MAP1B: variants seen among roughly 807,000 people sequenced by gnomAD.
MAP1B encodes the protein microtubule-associated protein 1B.
Under a neutral mutation model 176.1 loss-of-function variants are expected in MAP1B, and 12 were observed. That is an observed-to-expected ratio of 0.07 (90% CI 0.04 to 0.11). The LOEUF is 0.11. Among genes scored for constraint, MAP1B ranks in the 10% least tolerant of loss-of-function variants. The pLI is 1.00. For synonymous variants in MAP1B, 1,044 were observed against 1,135.0 expected, an observed-to-expected ratio of 0.92 and a Z score of 1.61; for missense variants, 2,523 against 2,990.5, an observed-to-expected ratio of 0.84 and a Z score of 3.65.
rs772743637 is a variant in MAP1B, at chr5:72,194,320, G to A, written c.965G>A (p.Ser322Asn). The A allele has an allele frequency of 6.2e-7, 1 of 1,614,208 alleles. No individual in the cohort carries two copies. ...GATGACAATTTGCCTGGAATAAACA[G>A]CATGTTACAGCGGAAAATTGCAGAG... ...IGDDNLPGINSMLQRKIAELE... is the reference protein window; with the variant it reads ...IGDDNLPGINNMLQRKIAELE... The change falls in exon 5 of 7, where the codon AGC becomes AAC. Residue 322 changes from serine to asparagine, a missense_variant. By Grantham distance (46) the Ser-to-Asn change is conservative. Around this residue, in one of 4 missense-constraint regions of MAP1B, gnomAD observed 307 missense variants for 438.4 expected, o/e 0.70. Transcript: ENST00000296755. The surrounding 1 kb of genome is among the most constrained non-coding windows in gnomAD (Gnocchi z 7.2).
chr5:72,141,518 A>G (rs764893985), intron 2 of MAP1B, among the ~76,000 whole-genome samples: 25 of 152,260 alleles, frequency 1.6e-4, no homozygotes, highest in African/African-American at 4.1e-4. Context: ...CTTAGGGATC[A>G]GTAGCCTCGG....
Position 72,196,807 on chromosome 5 carries a change from A to G in MAP1B, c.3452A>G (p.Glu1151Gly), listed in dbSNP as rs937083812. 1.9e-6 allele frequency: 3 copies of G among 1,614,000 alleles called. No homozygotes were observed. The highest frequency in any genetic ancestry group is 2.7e-5 in the African/African-American group (2 of 74,922). Residue 1151 changes from glutamate (E) to glycine (G), a missense_variant, in exon 5 of 7, where the codon GAG becomes GGG. Coordinates refer to ENST00000296755, the MANE Select transcript of MAP1B (RefSeq NM_005909.5). The surrounding 1 kb of genome is among the most constrained non-coding windows in gnomAD (Gnocchi z 5.3). Reference sequence around the variant, plus strand: ...ATGAGTGATGAGACCAACAATGAAGAGACGGAGTCCCCTTCTCAGGAATTC... The same window carrying G: ...ATGAGTGATGAGACCAACAATGAAGGGACGGAGTCCCCTTCTCAGGAATTC... The part of the protein sequence containing the change: ...DVMSDETNNE[E>G]TESPSQEFVN...
chr5:72,157,847 T>A (rs1746252975), intron 2 of MAP1B, among the ~76,000 whole-genome samples: 1 of 152,128 alleles, frequency 6.6e-6, no homozygotes, highest in Non-Finnish European at 1.5e-5. Context: ...AGTTACTAAA[T>A]GCTAGCCTTT....
At chr5:72,184,610 GGTTGAAGCCAAGA>G (rs1358498283) in intron 3 of MAP1B, among the ~76,000 whole-genome samples, 1 of 152,152 alleles carries the variant, frequency 6.6e-6, no homozygotes, top group Non-Finnish European at 1.5e-5. Context: ...ATAAGAACTT[GGTTGAAGCCAAGA>G]GTCCCTGGTC....
chr5:72,183,155 G>C (rs1035326346), intron 2 of MAP1B, among the ~76,000 whole-genome samples: 20 of 152,174 alleles, frequency 1.3e-4, no homozygotes, highest in African/African-American at 4.8e-4. Context: ...TTTCATGGGA[G>C]GGTTGTTCTC....
intron 2 of MAP1B, among the ~76,000 whole-genome samples, chr5:72,178,193 GC>G (rs1746689572): frequency 6.6e-6 from 1 of 152,076 alleles, no homozygotes; most frequent in African/African-American, 2.4e-5. Flanking sequence ...AGTAGAGACA[GC>G]GTTTCACCAT....
chr5:72,158,448 G>T (rs1746270715), intron 2 of MAP1B, among the ~76,000 whole-genome samples: 1 of 152,146 alleles, frequency 6.6e-6, no homozygotes, highest in African/African-American at 2.4e-5. Flanking sequence ...AGCAGTTGGA[G>T]AAAAGAAAGA....
At chr5:72,166,924 T>C (rs1328297974) in intron 2 of MAP1B, among the ~76,000 whole-genome samples, 10 of 151,952 alleles carry the variant, frequency 6.6e-5, no homozygotes, top group African/African-American at 2.2e-4. Flanking sequence ...GGAAACAAGA[T>C]GAAACACAGC....
rs1420900755 is a variant in MAP1B at position 72,205,903 on chromosome 5, A to G, written c.*664A>G. 1 of 152,546 alleles carries G rather than the reference A, an allele frequency of 6.6e-6. No individual in the cohort carries two copies. The highest frequency in any genetic ancestry group is 1.5e-5 in the Non-Finnish European group (1 of 68,092). 9.4% of individuals were successfully genotyped at this position (152,546 alleles called of 1,614,324 possible). A position where few individuals can be genotyped will look rare whatever the true frequency, so the allele number is the denominator to read the frequency against. On this transcript the variant is annotated 3_prime_UTR_variant, in exon 7 of 7. Coordinates refer to ENST00000296755, the MANE Select transcript of MAP1B (RefSeq NM_005909.5). ...ACAACACTTGTTATGAGGGCATGTGATATTTTCACATCTTAATTAAGCTCC... is the reference window on the plus strand; with the variant it reads ...ACAACACTTGTTATGAGGGCATGTGGTATTTTCACATCTTAATTAAGCTCC...
At chr5:72,202,122 G>T (rs1478896184) in intron 5 of MAP1B, among the ~76,000 whole-genome samples, 1 of 152,204 alleles carries the variant, frequency 6.6e-6, no homozygotes. Flanking sequence ...GCTTTTAGAT[G>T]TCTAAAAAGG....
intron 3 of MAP1B, among the ~76,000 whole-genome samples, chr5:72,185,855 G>A (rs887778129): frequency 2.1e-4 from 32 of 152,332 alleles, no homozygotes; most frequent in Middle Eastern, 3.4e-3. Flanking sequence ...TGCCTGGCAA[G>A]TAGGATGTGC....
At chr5:72,108,242 T>A (rs1218790267) in intron 1 of MAP1B, among the ~76,000 whole-genome samples, 1 of 152,184 alleles carries the variant, frequency 6.6e-6, no homozygotes, top group Admixed American at 6.5e-5. Flanking sequence ...CGATCCTTTC[T>A]TTCCTCAGAA....
chr5:72,120,111 TTTG>T (rs1205521193), intron 2 of MAP1B, among the ~76,000 whole-genome samples: 2 of 152,186 alleles, frequency 1.3e-5, no homozygotes, highest in African/African-American at 2.4e-5. Context: ...CAGACATCAT[TTTG>T]AAACAAGCAA....
At chr5:72,179,524 C>T (rs1342992709) in intron 2 of MAP1B, 2 of 688,380 alleles carry the variant, frequency 2.9e-6, no homozygotes, top group Non-Finnish European at 3.6e-6. Context: ...TGTGAGCATC[C>T]CAGCCGCCTG....
chr5:72,152,891 G>C (rs1300720008), intron 2 of MAP1B, among the ~76,000 whole-genome samples: 2 of 152,004 alleles, frequency 1.3e-5, no homozygotes, highest in Non-Finnish European at 2.9e-5. Context: ...TCTCATGCTC[G>C]CTGGGCCTGC....
chr5:72,123,586 G>A lies in MAP1B; in HGVS notation c.286+7787G>A, dbSNP rs184050044. On this transcript the variant is annotated intron_variant, in intron 2 of 6. Coordinates refer to ENST00000296755, the MANE Select transcript of MAP1B (RefSeq NM_005909.5). Reference sequence around the variant, plus strand: ...TGCAAGCTATGCCTCCCAGGTTCACGCCATTCTCCTGCCTCAGGCTCCCGA... The same window carrying A: ...TGCAAGCTATGCCTCCCAGGTTCACACCATTCTCCTGCCTCAGGCTCCCGA... Among the ~76,000 whole-genome samples, 405 of 151,874 alleles carry A rather than the reference G, an allele frequency of 2.7e-3. 1 individual carries two copies. Among genetic ancestry groups the A allele is most frequent in the African/African-American group, 8.9e-3 (369 of 41,404 alleles).
At chr5:72,150,022 C>T (rs1746114190) in intron 2 of MAP1B, among the ~76,000 whole-genome samples, 1 of 152,142 alleles carries the variant, frequency 6.6e-6, no homozygotes, top group Admixed American at 6.5e-5. Flanking sequence ...TCTCATTTTC[C>T]AGAATAAGAG....
In MAP1B at chr5:72,186,914, C is replaced by T. The variant is rs1746921379; in HGVS notation, c.510+160C>T. Among the ~76,000 whole-genome samples, 1 of 152,198 alleles carries T rather than the reference C, an allele frequency of 6.6e-6. No homozygotes were observed. The highest frequency in any genetic ancestry group is 2.4e-5 in the African/African-American group (1 of 41,446). On this transcript the variant is annotated intron_variant, in intron 4 of 6. Transcript: ENST00000296755. This position sits in a 1 kb window ranked among gnomAD's most constrained non-coding sequence, Gnocchi z 4.3. ...TCCAAAATACTTTATTTCTATGGCT[C>T]ATTGCCAAAAGAATTTAGAGCACTC...
intron 2 of MAP1B, among the ~76,000 whole-genome samples, chr5:72,172,851 G>C (rs938401190): frequency 1.3e-5 from 2 of 152,216 alleles, no homozygotes; most frequent in African/African-American, 4.8e-5. Flanking sequence ...CGCCAAGCAT[G>C]AGAGCCACAT....
Sources: allele counts gnomAD v4.1 joint callset (sites outside exome capture counted in the v4.1 genomes callset), GRCh38; gene constraint gnomAD v4.1.1; regional missense constraint gnomAD v4.1.1; non-coding constraint Gnocchi (gnomAD v3.1); transcripts MANE v1.5; gene names NCBI Gene and HGNC (gene_info 2026-07-23, HGNC 2026-07-21).